ARPP21: variants seen among roughly 807,000 people sequenced by gnomAD.
The protein encoded by ARPP21 is cAMP regulated phosphoprotein 21.
In ARPP21, 69 loss-of-function variants were observed where a neutral mutation model predicts 113.2. The observed-to-expected ratio is 0.61, with a 90% CI of 0.50 to 0.74. The LOEUF (loss-of-function observed/expected upper bound fraction) is 0.74. ARPP21 is among the 30% of genes least tolerant of loss of function. The pLI is 0.00. For missense variants in ARPP21, 1,070 were observed against 1,037.4 expected, an observed-to-expected ratio of 1.03 and a Z score of -0.43; for synonymous variants, 368 against 375.5, an observed-to-expected ratio of 0.98 and a Z score of 0.23.
intron 11 of ARPP21, among the ~76,000 whole-genome samples, chr3:35,712,722 C>G (rs925612214): frequency 6.6e-6 from 1 of 151,984 alleles, no homozygotes; most frequent in Non-Finnish European, 1.5e-5. Flanking sequence ...TATTTGAGAA[C>G]TAAATAGTTG....
At chr3:35,735,054 T>A (rs966595467) in intron 15 of ARPP21, among the ~76,000 whole-genome samples, 10 of 152,214 alleles carry the variant, frequency 6.6e-5, no homozygotes, top group Admixed American at 5.9e-4. Context: ...TCGTATGTAC[T>A]TTTTTTCACT....
rs146307454 is a variant in ARPP21 at position 35,663,212 on chromosome 3, G to C, written c.-212-16575G>C. Among the ~76,000 whole-genome samples, 5 of 152,116 alleles carry C rather than the reference G, an allele frequency of 3.3e-5. No homozygotes were observed. In the East Asian group the frequency reaches 9.7e-4, roughly 30 times the overall value. On this transcript the variant is annotated intron_variant, in intron 1 of 20. Transcript: ENST00000684406. ...GTATCTAAATGCTTACCCCAGAATT[G>C]AATAAAAATTGTGTATTGCTGCTAG...
At position 35,687,884 on chromosome 3, in the gene ARPP21, G is replaced by A; in HGVS notation, c.406+1G>A. ...CCCAAGATCAGAATGTTATCAAAAG[G>A]TGAATGTGAAAATATTTCCTTAACT... On this transcript the variant is annotated splice_donor_variant, in intron 6 of 20. Coordinates refer to ENST00000684406, the MANE Select transcript of ARPP21 (RefSeq NM_001385562.1). LOFTEE classifies it high-confidence loss of function. 3 of 1,577,930 alleles carry A rather than the reference G, an allele frequency of 1.9e-6. No homozygotes were observed. The highest frequency in any genetic ancestry group is 2.6e-6 in the Non-Finnish European group (3 of 1,168,156).
chr3:35,729,091 C>CTTTA (rs2093762985), intron 14 of ARPP21, among the ~76,000 whole-genome samples: 1 of 151,972 alleles, frequency 6.6e-6, no homozygotes, highest in Non-Finnish European at 1.5e-5. Context: ...TCCTCTTTTC[C>CTTTA]CAGAAAATTG....
chr3:35,761,572 A>G (rs1248326490), intron 19 of ARPP21, among the ~76,000 whole-genome samples: 1 of 152,130 alleles, frequency 6.6e-6, no homozygotes, highest in African/African-American at 2.4e-5. Context: ...CTAAAAAAAC[A>G]AACAAACAAA....
intron 19 of ARPP21, among the ~76,000 whole-genome samples, chr3:35,749,429 A>G (rs2095316252): frequency 7.3e-6 from 1 of 136,334 alleles, no homozygotes; most frequent in Non-Finnish European, 1.5e-5. Context: ...CATTCCTAAA[A>G]GCAAAAAAAA....
intron 6 of ARPP21, among the ~76,000 whole-genome samples, chr3:35,688,198 G>A (rs767280223): frequency 5.3e-5 from 8 of 151,596 alleles, no homozygotes; most frequent in South Asian, 2.1e-4. Flanking sequence ...TTCTTGGACC[G>A]ATTAACTTGG....
intron 18 of ARPP21, among the ~76,000 whole-genome samples, chr3:35,742,553 T>C (rs73059278): frequency 0.16 from 24,258 of 152,236 alleles, 2,040 homozygotes; most frequent in Non-Finnish European, 0.18. Flanking sequence ...ATCCATATGT[T>C]ATGTAGCCAC....
intron 19 of ARPP21, among the ~76,000 whole-genome samples, chr3:35,783,947 C>T (rs2096578588): frequency 6.6e-6 from 1 of 152,130 alleles, no homozygotes; most frequent in African/African-American, 2.4e-5. Context: ...CAAATATCTG[C>T]TCATCTAATA....
chr3:35,709,865 C>T (rs35005052), intron 11 of ARPP21, among the ~76,000 whole-genome samples: 16,820 of 152,228 alleles, frequency 0.11, 967 homozygotes, highest in Non-Finnish European at 0.12. Context: ...CCGTGGCCAA[C>T]ATGGCAAGCT....
Position 35,687,849 on chromosome 3 carries a change from C to T in ARPP21, c.372C>T (p.Thr124=), listed in dbSNP as rs2081071845. The T allele has an allele frequency of 6.3e-7, 1 of 1,590,698 alleles. No homozygotes were observed. The highest frequency in any genetic ancestry group is 1.2e-5 in the South Asian group (1 of 86,544). Residue 124 remains threonine (T), a synonymous_variant, in exon 6 of 21, where the codon ACC becomes ACT. Coordinates refer to ENST00000684406, the MANE Select transcript of ARPP21 (RefSeq NM_001385562.1). ...EKEKDKNKDK[T]SEKPKIRMLS... ...AAAAGGATAAAAACAAAGATAAAACCTCTGAAAAACCCAAGATCAGAATGT... is the reference window on the plus strand; with the variant it reads ...AAAAGGATAAAAACAAAGATAAAACTTCTGAAAAACCCAAGATCAGAATGT...
chr3:35,710,058 G>T (rs181223305), intron 11 of ARPP21, among the ~76,000 whole-genome samples: 2 of 152,296 alleles, frequency 1.3e-5, no homozygotes, highest in East Asian at 3.9e-4. Flanking sequence ...ATATGAAAGT[G>T]CAGGGGAGAT....
intron 15 of ARPP21, among the ~76,000 whole-genome samples, chr3:35,730,888 G>A (rs542435076): frequency 9.2e-5 from 14 of 152,252 alleles, no homozygotes; most frequent in South Asian, 2.1e-4. Flanking sequence ...GGGAAGAAAG[G>A]CATAATCATT....
Position 35,690,099 on chromosome 3 carries a change from G to A in ARPP21, c.504G>A (p.Leu168=). Residue 168 remains leucine, a synonymous_variant, in exon 8 of 21, where the codon TTG becomes TTA. Transcript: ENST00000684406. ...TTTGCAGGGACAGGATGATACTTTT[G>A]AAAATGGAGCAGGAAATTATTGATT... is the stretch of plus-strand genomic sequence containing the variant. ...KNNSRDRMIL[L]KMEQEIIDFI... 6.7e-7 allele frequency: 1 copy of A among 1,483,174 alleles called. No homozygotes were observed. The highest frequency in any genetic ancestry group is 9.4e-7 in the Non-Finnish European group (1 of 1,062,322). The allele number at this position is 1,483,174 out of a possible 1,614,324, so 91.9% of individuals were successfully genotyped here.
chr3:35,644,619 A>T (rs925430858), intron 1 of ARPP21, among the ~76,000 whole-genome samples: 1 of 151,938 alleles, frequency 6.6e-6, no homozygotes, highest in Non-Finnish European at 1.5e-5. Flanking sequence ...AGAAATAGCT[A>T]TGCAGCAAAC....
intron 18 of ARPP21, among the ~76,000 whole-genome samples, chr3:35,741,767 A>T (rs1195883000): frequency 6.6e-6 from 1 of 151,794 alleles, no homozygotes; most frequent in African/African-American, 2.4e-5. Context: ...TTCTCCCTTC[A>T]CCTCTCTCCT....
intron 5 of ARPP21, chr3:35,685,096 C>G (rs1249830093): frequency 1.0e-6 from 1 of 985,206 alleles, no homozygotes; most frequent in Non-Finnish European, 1.2e-6. Flanking sequence ...AGAAGTAATG[C>G]CCCAGTTGTC....
At chr3:35,754,926 G>A (rs1292287118) in intron 19 of ARPP21, among the ~76,000 whole-genome samples, 2 of 151,872 alleles carry the variant, frequency 1.3e-5, no homozygotes, top group Non-Finnish European at 2.9e-5. Context: ...GAAAGCAGTC[G>A]TTTGGCGAAA....
At chr3:35,749,973 T>C (rs770984113) in intron 19 of ARPP21, among the ~76,000 whole-genome samples, 7 of 152,052 alleles carry the variant, frequency 4.6e-5, no homozygotes, top group African/African-American at 1.7e-4. Flanking sequence ...TTGCTAGATT[T>C]ATCAATTTTA....
Sources: gnomAD v4.1 joint callset for allele counts (sites outside exome capture counted in the v4.1 genomes callset) on GRCh38, gnomAD v4.1.1 for gene constraint, MANE v1.5 for transcripts, NCBI Gene and HGNC (gene_info 2026-07-23, HGNC 2026-07-21) for gene names.